Variants in GSG1L observed in about 807,000 individuals in gnomAD.
GSG1L encodes GSG1 like, also known as germ cell-specific gene 1-like protein.
Under a neutral mutation model 42.1 loss-of-function variants are expected in GSG1L, and 24 were observed. The ratio of observed to expected loss-of-function variants is 0.57; its 90% confidence interval spans 0.41 to 0.80. GSG1L has a LOEUF of 0.80. GSG1L is among the 30% of genes least tolerant of loss of function. The pLI is 0.00. For missense variants in GSG1L, 445 were observed against 472.2 expected, an observed-to-expected ratio of 0.94 and a Z score of 0.53; for synonymous variants, 215 against 203.5, an observed-to-expected ratio of 1.06 and a Z score of -0.48.
intron 6 of GSG1L, among the ~76,000 whole-genome samples, chr16:27,794,012 T>C (rs2082788963): frequency 8.0e-6 from 1 of 125,588 alleles, no homozygotes; most frequent in African/African-American, 2.7e-5. Context: ...ACTGTTTTTT[T>C]GTTTGTTTGT....
chr16:27,943,013 C>T (rs1048729977), intron 2 of GSG1L, among the ~76,000 whole-genome samples: 1 of 152,042 alleles, frequency 6.6e-6, no homozygotes, highest in East Asian at 1.9e-4. Flanking sequence ...TCAGGAGGTC[C>T]GTAGTGGGAC....
At chr16:27,909,381 CTTT>C (rs34041209) in intron 2 of GSG1L, among the ~76,000 whole-genome samples, 268 of 117,772 alleles carry the variant, frequency 2.3e-3, no homozygotes, top group African/African-American at 7.1e-3. Context: ...TCTTCTTTTT[CTTT>C]TTTTTTTTTT....
intron 6 of GSG1L, among the ~76,000 whole-genome samples, chr16:27,797,821 CAAAAA>C (rs59207468): frequency 7.8e-5 from 6 of 77,186 alleles, no homozygotes; most frequent in East Asian, 9.7e-4. Context: ...GACTCCATCT[CAAAAA>C]AAAAAAAAAA....
chr16:27,842,753 G>A (rs11648338), intron 4 of GSG1L, among the ~76,000 whole-genome samples: 23,976 of 152,132 alleles, frequency 0.16, 1,985 homozygotes, highest in East Asian at 0.23. Context: ...AGAGAGTGGA[G>A]ATGGAGCTGG....
At chr16:28,055,895 G>C (rs767528653) in intron 1 of GSG1L, among the ~76,000 whole-genome samples, 12 of 149,132 alleles carry the variant, frequency 8.0e-5, no homozygotes, top group Non-Finnish European at 1.3e-4. Flanking sequence ...AGACAGCTCT[G>C]AGTCTGGCAC....
intron 1 of GSG1L, among the ~76,000 whole-genome samples, chr16:27,979,664 AGAGAGAGAGAGAGAG>A (rs2085294029): frequency 2.0e-5 from 1 of 49,956 alleles, no homozygotes; most frequent in Non-Finnish European, 3.9e-5. Context: ...AGAAAGAAAG[AGAGAGAGAGAGAGAG>A]AAAGAAAGAA....
chr16:27,943,566 CTTTTTTTTTTTTT>C (rs11385465), intron 2 of GSG1L, among the ~76,000 whole-genome samples: 3 of 67,720 alleles, frequency 4.4e-5, no homozygotes, highest in African/African-American at 1.8e-4. Context: ...TTCTTTGTTT[CTTTTTTTTTTTTT>C]TTTTTTTTTT....
At chr16:27,844,854 C>A (rs1373833813) in intron 4 of GSG1L, 96 bp downstream of exon 4, 2 of 279,248 alleles carry the variant, frequency 7.2e-6, no homozygotes, top group Admixed American at 9.0e-5. Context: ...CTCCTCCCCC[C>A]CACCGCCCCC....
chr16:27,831,357 T>G (rs1596541563), intron 4 of GSG1L, among the ~76,000 whole-genome samples: 1 of 152,224 alleles, frequency 6.6e-6, no homozygotes, highest in Non-Finnish European at 1.5e-5. Flanking sequence ...TTTTCTACCC[T>G]GAAGCCAGTT....
intron 3 of GSG1L, among the ~76,000 whole-genome samples, chr16:27,865,907 C>T (rs2141004935): frequency 6.6e-6 from 1 of 151,894 alleles, no homozygotes; most frequent in East Asian, 1.9e-4. Context: ...CACTATGTTG[C>T]CCAGGCTGGT....
At chr16:27,977,474 C>T (rs893825742) in intron 1 of GSG1L, among the ~76,000 whole-genome samples, 13 of 147,234 alleles carry the variant, frequency 8.8e-5, no homozygotes, top group Non-Finnish European at 1.3e-4. Flanking sequence ...GCACAAGAAT[C>T]GCTGAAACCT....
intron 3 of GSG1L, among the ~76,000 whole-genome samples, chr16:27,845,357 T>A (rs2140984046): frequency 6.6e-6 from 1 of 152,318 alleles, no homozygotes; most frequent in African/African-American, 2.4e-5. Flanking sequence ...GCCTCCTAAG[T>A]AGCTGGGACT....
intron 3 of GSG1L, among the ~76,000 whole-genome samples, chr16:27,860,404 C>G (rs61455043): frequency 0.036 from 5,484 of 152,302 alleles, 342 homozygotes; most frequent in African/African-American, 0.12. Context: ...GGTCCGGAAG[C>G]CCCCAGCCTT....
At chr16:27,905,472 T>C (rs573928290) in intron 2 of GSG1L, among the ~76,000 whole-genome samples, 3 of 152,142 alleles carry the variant, frequency 2.0e-5, no homozygotes, top group Non-Finnish European at 2.9e-5. Context: ...GCATGTGTCA[T>C]GCTGCCTGGC....
chr16:27,958,341 G>A lies in GSG1L; in HGVS notation c.397+4815C>T, dbSNP rs988284645. 1.5e-4 allele frequency among the ~76,000 whole-genome samples: 22 copies of A among 150,214 alleles called. No homozygotes were observed. In the Admixed American group the frequency reaches 1.5e-3, roughly 10 times the overall value. On this transcript the variant is annotated intron_variant, in intron 2 of 6. Coordinates refer to ENST00000447459, the MANE Select transcript of GSG1L (RefSeq NM_001109763.2). Reference sequence around the variant, plus strand: ...AATTGCTTGAACCTGGGAGGTGGAGGTTGCAGTGAGCCGAGATCATGCCAC... The same window carrying A: ...AATTGCTTGAACCTGGGAGGTGGAGATTGCAGTGAGCCGAGATCATGCCAC...
chr16:27,812,347 ACTAT>A (rs2083040999), intron 5 of GSG1L, among the ~76,000 whole-genome samples: 1 of 152,186 alleles, frequency 6.6e-6, no homozygotes, highest in African/African-American at 2.4e-5. Context: ...AGGGCCAATA[ACTAT>A]CTAGTCCAGG....
chr16:28,006,309 T>TTATTTATG (rs1270528462), intron 1 of GSG1L, among the ~76,000 whole-genome samples: 1 of 151,558 alleles, frequency 6.6e-6, no homozygotes. Flanking sequence ...ATTTATTTAT[T>TTATTTATG]TATTTATTTA....
Position 27,791,322 on chromosome 16 carries a change from C to A in GSG1L, c.*48G>T. 8.3e-7 allele frequency: 1 copy of A among 1,210,692 alleles called. No homozygotes were observed. Among genetic ancestry groups the A allele is most frequent in the Non-Finnish European group, 1.1e-6 (1 of 911,534 alleles). The allele number at this position is 1,210,692 out of a possible 1,614,324, so 75.0% of individuals were successfully genotyped here. On this transcript the variant is annotated 3_prime_UTR_variant, in exon 7 of 7. Coordinates refer to ENST00000447459, the MANE Select transcript of GSG1L (RefSeq NM_001109763.2). ...CACTCTGGTGGTCTTGCAGCAGGGG[C>A]TGGTGCCAGCGATGGCCTGAGGTCC...
intron 3 of GSG1L, among the ~76,000 whole-genome samples, chr16:27,879,745 GTAAA>G (rs2083929534): frequency 6.6e-6 from 1 of 151,728 alleles, no homozygotes; most frequent in Admixed American, 6.6e-5. Flanking sequence ...TAAATGATAT[GTAAA>G]TAGTTGTTGT....
Sources: allele counts gnomAD v4.1 joint callset (sites outside exome capture counted in the v4.1 genomes callset), GRCh38; gene constraint gnomAD v4.1.1; transcripts MANE v1.5; gene names NCBI Gene and HGNC (gene_info 2026-07-23, HGNC 2026-07-21).